The following NAALADL2 variants were observed in gnomAD, a reference collection of about 807,000 sequenced individuals.
The protein encoded by NAALADL2 is inactive N-acetylated-alpha-linked acidic dipeptidase-like protein 2.
NAALADL2 carries 76 observed loss-of-function variants against 87.2 expected under a neutral mutation model. The observed-to-expected ratio is 0.87, with a 90% CI of 0.72 to 1.05. The LOEUF is 1.05. NAALADL2 is among the 50% of genes least tolerant of loss of function. NAALADL2 has a pLI of 0.00. For missense variants in NAALADL2, 1,089 were observed against 945.8 expected (o/e 1.15, Z -1.99); for synonymous variants, 354 against 331.0 (o/e 1.07, Z -0.75).
intron 2 of NAALADL2, among the ~76,000 whole-genome samples, chr3:174,581,570 A>G (rs1716171866): frequency 1.3e-5 from 2 of 152,182 alleles, no homozygotes; most frequent in African/African-American, 4.8e-5. Flanking sequence ...AGAAAGGAGA[A>G]TTGATACGTA....
intron 5 of NAALADL2, among the ~76,000 whole-genome samples, chr3:175,394,523 A>G (rs73186712): frequency 0.064 from 9,747 of 152,280 alleles, 410 homozygotes; most frequent in Non-Finnish European, 0.089. Flanking sequence ...ATATTTTTTA[A>G]AAAAGATACA....
intron 1 of NAALADL2, among the ~76,000 whole-genome samples, chr3:174,924,959 T>A (rs549054391): frequency 6.4e-4 from 98 of 152,324 alleles, no homozygotes; most frequent in African/African-American, 2.2e-3. Flanking sequence ...CTTTGTAGAT[T>A]CTGGATATTA....
intron 4 of NAALADL2, 122 bp from the exon 5 acceptor site, chr3:175,324,053 A>C (rs1760355559): frequency 1.3e-6 from 1 of 758,820 alleles, no homozygotes; most frequent in Non-Finnish European, 2.1e-6. Context: ...AGAAAAAGAA[A>C]AAGAAAAAGA....
At chr3:175,737,214 A>G (rs1744615946) in intron 11 of NAALADL2, 92 bp from the exon 12 acceptor site, 2 of 752,860 alleles carry the variant, frequency 2.7e-6, no homozygotes, top group African/African-American at 3.5e-5. Flanking sequence ...GCTGCTCTAG[A>G]TGTATAAAAA....
At chr3:175,561,353 GA>G (rs35655390) in intron 9 of NAALADL2, among the ~76,000 whole-genome samples, 5 of 151,872 alleles carry the variant, frequency 3.3e-5, no homozygotes, top group Non-Finnish European at 7.4e-5. Flanking sequence ...TAATGACAAG[GA>G]AAAAAAGTCT....
intron 2 of NAALADL2, among the ~76,000 whole-genome samples, chr3:175,167,547 A>G (rs1348899964): frequency 6.6e-6 from 1 of 152,086 alleles, no homozygotes; most frequent in Admixed American, 6.6e-5. Flanking sequence ...TCCAGTGAAA[A>G]ATGAAAATAT....
At chr3:175,306,469 C>A (rs370735105) in intron 4 of NAALADL2, among the ~76,000 whole-genome samples, 1 of 152,266 alleles carries the variant, frequency 6.6e-6, no homozygotes, top group East Asian at 1.9e-4. Context: ...AATCCATACT[C>A]ATTTTGTCTC....
intron 3 of NAALADL2, among the ~76,000 whole-genome samples, chr3:174,819,855 TATA>T (rs925518477): frequency 3.3e-5 from 5 of 152,190 alleles, no homozygotes; most frequent in Non-Finnish European, 4.4e-5. Flanking sequence ...CAAAGCTCCA[TATA>T]ATAATAATAG....
chr3:175,045,965 A>C (rs377217632), intron 1 of NAALADL2, among the ~76,000 whole-genome samples: 401 of 151,988 alleles, frequency 2.6e-3, no homozygotes, highest in African/African-American at 9.0e-3. Flanking sequence ...CAGAGATAAG[A>C]GACACTCAAC....
intron 2 of NAALADL2, among the ~76,000 whole-genome samples, chr3:175,107,519 CACACACACACACACAA>C (rs1723394698): frequency 6.6e-6 from 1 of 151,496 alleles, no homozygotes; most frequent in East Asian, 1.9e-4. Flanking sequence ...CATACACACA[CACACACACACACACAA>C]ACACACACAC....
intron 2 of NAALADL2, among the ~76,000 whole-genome samples, chr3:175,170,074 C>T (rs967219918): frequency 6.6e-6 from 1 of 151,718 alleles, no homozygotes; most frequent in Non-Finnish European, 1.5e-5. Context: ...TATGGTATTG[C>T]TCTGTTTTTA....
At chr3:175,691,089 AATATT>A (rs1490396711) in intron 11 of NAALADL2, among the ~76,000 whole-genome samples, 7 of 151,838 alleles carry the variant, frequency 4.6e-5, no homozygotes, top group African/African-American at 1.7e-4. Context: ...CAACTGAAAA[AATATT>A]ATAAACAGTA....
At chr3:175,595,185 G>C (rs975828792) in intron 10 of NAALADL2, among the ~76,000 whole-genome samples, 1 of 152,068 alleles carries the variant, frequency 6.6e-6, no homozygotes, top group Non-Finnish European at 1.5e-5. Context: ...ATAGTTAAAA[G>C]TAGGGGTCCA....
At chr3:174,819,302 C>A (rs114205446) in intron 3 of NAALADL2, among the ~76,000 whole-genome samples, 4,124 of 151,812 alleles carry the variant, frequency 0.027, 187 homozygotes, top group African/African-American at 0.093. Flanking sequence ...TGAGGTCAAG[C>A]AATCTGCCTT....
At chr3:175,497,883 T>C (rs1035155573) in intron 9 of NAALADL2, among the ~76,000 whole-genome samples, 1 of 152,164 alleles carries the variant, frequency 6.6e-6, no homozygotes, top group African/African-American at 2.4e-5. Context: ...TGTTTTGTTA[T>C]CAAATGCAAT....
intron 2 of NAALADL2, among the ~76,000 whole-genome samples, chr3:175,108,200 G>A (rs186806499): frequency 6.6e-6 from 1 of 151,798 alleles, no homozygotes; most frequent in Non-Finnish European, 1.5e-5. Context: ...TATGTAACTT[G>A]TCCCCTGTGG....
At chr3:175,783,909 T>G (rs1751522606) in intron 13 of NAALADL2, among the ~76,000 whole-genome samples, 2 of 142,214 alleles carry the variant, frequency 1.4e-5, no homozygotes, top group African/African-American at 6.0e-5. Flanking sequence ...GTTTTTAGCA[T>G]GAAGGGTTGT....
chr3:175,637,372 TTGA>T (rs1173986236), intron 11 of NAALADL2, among the ~76,000 whole-genome samples: 2 of 152,192 alleles, frequency 1.3e-5, no homozygotes, highest in Admixed American at 6.5e-5. Flanking sequence ...AGCAAAGATG[TTGA>T]TATGTGATTT....
intron 1 of NAALADL2, among the ~76,000 whole-genome samples, chr3:174,954,494 A>G (rs1740876491): frequency 6.6e-6 from 1 of 152,088 alleles, no homozygotes; most frequent in Non-Finnish European, 1.5e-5. Context: ...TATGAAAAAG[A>G]ATAAAATAGT....
Sources: gnomAD v4.1 joint callset for allele counts (sites outside exome capture counted in the v4.1 genomes callset) on GRCh38, gnomAD v4.1.1 for gene constraint, MANE v1.5 for transcripts, NCBI Gene and HGNC (gene_info 2026-07-23, HGNC 2026-07-21) for gene names.